Variants in FSTL5 observed in about 807,000 individuals in gnomAD.
FSTL5 encodes follistatin-related protein 5.
A neutral mutation model predicts 89.1 loss-of-function variants in FSTL5; 62 were observed. That is an observed-to-expected ratio of 0.70 (90% CI 0.57 to 0.86). FSTL5 has a LOEUF of 0.86. Ranked by LOEUF, FSTL5 falls within the 40% of genes least tolerant of loss-of-function variation. The pLI is 0.00. For synonymous variants in FSTL5, 383 were observed against 346.2 expected (o/e 1.11, Z -1.18); for missense variants, 1,057 against 1,001.6 (o/e 1.06, Z -0.75).
chr4:161,928,607 C>T (rs1734194456), intron 3 of FSTL5, among the ~76,000 whole-genome samples: 1 of 151,694 alleles, frequency 6.6e-6, no homozygotes, highest in African/African-American at 2.4e-5. Flanking sequence ...TGGATTTTTA[C>T]CATTCAATTA....
At chr4:161,439,494 T>C (rs1732687780) in intron 15 of FSTL5, among the ~76,000 whole-genome samples, 1 of 152,196 alleles carries the variant, frequency 6.6e-6, no homozygotes, top group African/African-American at 2.4e-5. Flanking sequence ...TTCTAATTCA[T>C]AAAATAGACT....
chr4:161,639,409 G>C (rs983062237), intron 7 of FSTL5, among the ~76,000 whole-genome samples: 1 of 152,022 alleles, frequency 6.6e-6, no homozygotes, highest in African/African-American at 2.4e-5. Flanking sequence ...AAACGTTATA[G>C]GTGTATTATT....
At chr4:161,948,045 G>C (rs142598689) in intron 3 of FSTL5, among the ~76,000 whole-genome samples, 7 of 152,132 alleles carry the variant, frequency 4.6e-5, no homozygotes, top group African/African-American at 1.4e-4. Context: ...GGGAGGCCAA[G>C]GTGGCAGAAT....
intron 1 of FSTL5, among the ~76,000 whole-genome samples, chr4:162,120,276 G>T (rs1285353340): frequency 6.6e-6 from 1 of 152,058 alleles, no homozygotes; most frequent in African/African-American, 2.4e-5. Context: ...GTTTCAAATA[G>T]AAATGTTTAT....
intron 7 of FSTL5, among the ~76,000 whole-genome samples, chr4:161,592,517 T>C (rs563738090): frequency 1.5e-4 from 22 of 151,238 alleles, no homozygotes; most frequent in African/African-American, 2.9e-4. Context: ...AGTGAGAACA[T>C]GTAGTGTTTG....
intron 2 of FSTL5, among the ~76,000 whole-genome samples, chr4:162,107,761 G>A (rs1349872167): frequency 2.0e-5 from 3 of 151,970 alleles, no homozygotes; most frequent in Middle Eastern, 3.2e-3. Context: ...TATCATCATC[G>A]TCTTTATTTA....
chr4:161,856,603 A>G (rs1338871482), intron 4 of FSTL5, among the ~76,000 whole-genome samples: 1 of 151,680 alleles, frequency 6.6e-6, no homozygotes, highest in African/African-American at 2.4e-5. Flanking sequence ...TTTAACAGAG[A>G]AGAAAATGTA....
chr4:161,655,987 A>T (rs2126681885), intron 7 of FSTL5, among the ~76,000 whole-genome samples: 1 of 152,312 alleles, frequency 6.6e-6, no homozygotes, highest in South Asian at 2.1e-4. Context: ...TTGAACACGC[A>T]TATAGGCATA....
chr4:161,819,288 T>C (rs1404585521), intron 4 of FSTL5, among the ~76,000 whole-genome samples: 1 of 152,170 alleles, frequency 6.6e-6, no homozygotes, highest in Non-Finnish European at 1.5e-5. Flanking sequence ...TAAAAATGTC[T>C]ACTGAAAATA....
At chr4:161,427,739 A>G in intron 15 of FSTL5, among the ~76,000 whole-genome samples, 1 of 152,210 alleles carries the variant, frequency 6.6e-6, no homozygotes, top group Non-Finnish European at 1.5e-5. Flanking sequence ...AATGTCTGAT[A>G]ACAATTAGCC....
chr4:161,709,738 G>A (rs770465167), intron 6 of FSTL5, among the ~76,000 whole-genome samples: 2 of 152,060 alleles, frequency 1.3e-5, no homozygotes, highest in African/African-American at 2.4e-5. Flanking sequence ...TGAGGCTTCA[G>A]TGAGCCATGA....
intron 7 of FSTL5, among the ~76,000 whole-genome samples, chr4:161,589,577 C>T (rs2126609510): frequency 6.6e-6 from 1 of 152,160 alleles, no homozygotes; most frequent in East Asian, 1.9e-4. Flanking sequence ...TTCAGCCACC[C>T]AAGGTGCTGG....
intron 4 of FSTL5, among the ~76,000 whole-genome samples, chr4:161,873,644 A>C (rs890423151): frequency 4.7e-5 from 7 of 147,982 alleles, no homozygotes; most frequent in African/African-American, 1.8e-4. Flanking sequence ...TCCACTACTT[A>C]TTTTAAACAA....
rs540564940 is a variant in FSTL5, at chr4:161,780,159, TATTGTATAAATAAATA to T, written c.410-4101_410-4086del. ...ATTGGTTGTATAATTATTTAATAAT[TATTGTATAAATAAATA>T]ATTGTATAAATAAATAATTGTATAA... On this transcript the variant is annotated intron_variant, in intron 4 of 15. Transcript: ENST00000306100. Among the ~76,000 whole-genome samples the T allele has an allele frequency of 3.2e-3, 474 of 149,364 alleles. 1 individual carries two copies. Among genetic ancestry groups the T allele is most frequent in the African/African-American group, 9.7e-3 (400 of 41,100 alleles).
intron 13 of FSTL5, among the ~76,000 whole-genome samples, chr4:161,467,189 T>G (rs747951401): frequency 1.8e-4 from 28 of 152,088 alleles, no homozygotes; most frequent in Non-Finnish European, 3.5e-4. Flanking sequence ...CATTTCTATA[T>G]CCATACTATG....
At chr4:161,815,805 AT>A (rs1416380568) in intron 4 of FSTL5, among the ~76,000 whole-genome samples, 1 of 152,218 alleles carries the variant, frequency 6.6e-6, no homozygotes, top group East Asian at 1.9e-4. Context: ...GTTTTAAAAT[AT>A]TACTAAATTT....
At chr4:161,423,752 C>T (rs1199861213) in intron 15 of FSTL5, among the ~76,000 whole-genome samples, 1 of 152,100 alleles carries the variant, frequency 6.6e-6, no homozygotes, top group Non-Finnish European at 1.5e-5. Context: ...ATTAGTCCTG[C>T]AAATGAAATA....
At chr4:161,744,429 C>G (rs1490116892) in intron 6 of FSTL5, among the ~76,000 whole-genome samples, 1 of 152,058 alleles carries the variant, frequency 6.6e-6, no homozygotes, top group Non-Finnish European at 1.5e-5. Flanking sequence ...TGGCTTAGCA[C>G]CAATAGTGGT....
chr4:162,042,758 A>G (rs1738015234), intron 2 of FSTL5, among the ~76,000 whole-genome samples: 1 of 151,988 alleles, frequency 6.6e-6, no homozygotes, highest in Non-Finnish European at 1.5e-5. Context: ...GGAAAAGAAA[A>G]TGCAGCCATA....
Sources: allele counts gnomAD v4.1 joint callset (sites outside exome capture counted in the v4.1 genomes callset), GRCh38; gene constraint gnomAD v4.1.1; transcripts MANE v1.5; gene names NCBI Gene and HGNC (gene_info 2026-07-23, HGNC 2026-07-21).